The following RIMS3 variants were observed in gnomAD, a reference collection of about 807,000 sequenced individuals.
RIMS3 encodes regulating synaptic membrane exocytosis 3.
A neutral mutation model predicts 29.2 loss-of-function variants in RIMS3; 15 were observed. The observed-to-expected ratio is 0.51, with a 90% confidence interval of 0.34 to 0.79. The LOEUF is 0.79. Among genes scored for constraint, RIMS3 ranks in the 30% least tolerant of loss-of-function variants. The pLI is 0.01. For synonymous variants in RIMS3, 161 were observed against 170.1 expected, an observed-to-expected ratio of 0.95 and a Z score of 0.41; for missense variants, 342 against 421.4, an observed-to-expected ratio of 0.81 and a Z score of 1.65.
chr1:40,631,800 G>A (rs1259594901), intron 5 of RIMS3, among the ~76,000 whole-genome samples: 4 of 151,898 alleles, frequency 2.6e-5, no homozygotes, highest in Non-Finnish European at 2.9e-5. Context: ...GTGAAACCCC[G>A]TCTCTACTAC....
intron 1 of RIMS3, among the ~76,000 whole-genome samples, chr1:40,655,204 G>A (rs1462845079): frequency 2.0e-5 from 3 of 152,130 alleles, no homozygotes; most frequent in African/African-American, 7.2e-5. Flanking sequence ...CTGCTTCACT[G>A]TCCCTGAGCC....
In RIMS3 at chr1:40,624,596, A is replaced by T. The variant is rs1352952136; in HGVS notation, c.*1921T>A. The T allele has an allele frequency of 6.6e-6, 1 of 152,098 alleles. No homozygotes were observed. Among genetic ancestry groups the T allele is most frequent in the Non-Finnish European group, 1.5e-5 (1 of 68,004 alleles). 9.4% of individuals were successfully genotyped at this position (152,098 alleles called of 1,614,324 possible). A position where few individuals can be genotyped will look rare whatever the true frequency, so the allele number is the denominator to read the frequency against. On this transcript the variant is annotated 3_prime_UTR_variant, in exon 8 of 8. Transcript: ENST00000372684. ...GGCAGAGATAGGAGCCTGGGAGCTAACTCCGTTCATTTCCTTCCTGCCCTT... is the reference window on the plus strand; with the variant it reads ...GGCAGAGATAGGAGCCTGGGAGCTATCTCCGTTCATTTCCTTCCTGCCCTT...
At chr1:40,650,016 C>T (rs1019075712) in intron 1 of RIMS3, among the ~76,000 whole-genome samples, 2 of 152,208 alleles carry the variant, frequency 1.3e-5, no homozygotes, top group African/African-American at 4.8e-5. Flanking sequence ...CTGATGTTCC[C>T]CCAGGGCCTC....
intron 1 of RIMS3, among the ~76,000 whole-genome samples, chr1:40,650,907 T>C (rs1646628330): frequency 7.0e-6 from 1 of 142,978 alleles, no homozygotes; most frequent in Non-Finnish European, 1.5e-5. Context: ...ACTTAGCCAC[T>C]TTGTCTCCTG....
At chr1:40,678,921 T>C in the RIMS3 span, among the ~76,000 whole-genome samples, 1 of 152,184 alleles carries the variant, frequency 6.6e-6, no homozygotes, top group East Asian at 1.9e-4. Flanking sequence ...TGGTTAGAAA[T>C]CTGTTAGAAA....
chr1:40,628,275 T>C (rs887970260), intron 7 of RIMS3, among the ~76,000 whole-genome samples: 1 of 152,180 alleles, frequency 6.6e-6, no homozygotes, highest in African/African-American at 2.4e-5. Flanking sequence ...AGCATGAAGA[T>C]CCCTCCCTCC....
At chr1:40,634,941 C>CAAAAA (rs111853416) in intron 4 of RIMS3, among the ~76,000 whole-genome samples, 1 of 93,118 alleles carries the variant, frequency 1.1e-5, no homozygotes, top group African/African-American at 4.3e-5. Context: ...AACTCCATCA[C>CAAAAA]AAAAAAAAAA....
chr1:40,674,597 G>A, the RIMS3 span, among the ~76,000 whole-genome samples: 1 of 152,322 alleles, frequency 6.6e-6, no homozygotes, highest in Middle Eastern at 3.4e-3. Flanking sequence ...ATTAGGTCAT[G>A]GGGACTCTGC....
intron 5 of RIMS3, among the ~76,000 whole-genome samples, chr1:40,632,584 GC>G (rs1040052176): frequency 2.0e-5 from 3 of 151,550 alleles, no homozygotes; most frequent in African/African-American, 7.3e-5. Context: ...GTAGTACTCG[GC>G]ACACAGCAAA....
At chr1:40,682,741 C>CTTTTTTTTTTTTTCTTTTTTTTTTTTT in the RIMS3 span, among the ~76,000 whole-genome samples, 1 of 77,514 alleles carries the variant, frequency 1.3e-5, no homozygotes, top group East Asian at 3.4e-4. Flanking sequence ...CTTTGCAGAT[C>CTTTTTTTTTTTTTCTTTTTTTTTTTTT]TTTTTTTTTT....
chr1:40,648,761 C>T (rs955158043), intron 1 of RIMS3, among the ~76,000 whole-genome samples: 1 of 152,222 alleles, frequency 6.6e-6, no homozygotes, highest in Non-Finnish European at 1.5e-5. Context: ...GCCCTGAGTG[C>T]TCCAGAAGTC....
chr1:40,691,864 A>C, the RIMS3 span: 1 of 421,180 alleles, frequency 2.4e-6, no homozygotes, highest in Non-Finnish European at 4.8e-6. Flanking sequence ...ACTCCTGAGC[A>C]GAGGTGTGTG....
the RIMS3 span, among the ~76,000 whole-genome samples, chr1:40,687,790 C>T: frequency 6.6e-6 from 1 of 152,190 alleles, no homozygotes; most frequent in Non-Finnish European, 1.5e-5. Context: ...CTCGCTTCTT[C>T]TATTTGCTTT....
chr1:40,676,061 T>C, the RIMS3 span, among the ~76,000 whole-genome samples: 1 of 152,098 alleles, frequency 6.6e-6, no homozygotes, highest in Non-Finnish European at 1.5e-5. Flanking sequence ...TATCCAGTGA[T>C]GAGGAGTGGT....
chr1:40,669,255 G>A (rs373372378), upstream of RIMS3: 1 of 152,228 alleles, frequency 6.6e-6, no homozygotes, highest in East Asian at 1.9e-4. Flanking sequence ...CGAGGTAGGT[G>A]CACTGTATTC....
In RIMS3 at chr1:40,622,788, A is replaced by G. The variant is rs969819737; in HGVS notation, c.*3729T>C. On this transcript the variant is annotated 3_prime_UTR_variant, in exon 8 of 8. Transcript: ENST00000372684. ...GCCCCATTGCTTTCTGGGCTGAGGA[A>G]GATGGGGAATATGAGGTATTAGGAG... 2.4e-4 allele frequency: 37 copies of G among 152,944 alleles called. No individual in the cohort carries two copies. Among genetic ancestry groups the G allele is most frequent in the African/African-American group, 8.4e-4 (35 of 41,566 alleles). 9.5% of individuals were successfully genotyped at this position (152,944 alleles called of 1,614,324 possible).
the RIMS3 span, chr1:40,691,675 G>A: frequency 2.2e-6 from 1 of 448,898 alleles, no homozygotes; most frequent in Admixed American, 2.4e-5. Context: ...CAGGCGCCAA[G>A]GGAGGGGGAA....
chr1:40,685,328 ATAATATAATTAT>A, the RIMS3 span, among the ~76,000 whole-genome samples: 1 of 18,294 alleles, frequency 5.5e-5, no homozygotes, highest in African/African-American at 3.1e-4. Context: ...TTATTAATAT[ATAATATAATTAT>A]ATTATATATA....
At chr1:40,670,574 T>TTATACATATATATATATATATA (rs1642479981), upstream of RIMS3, among the ~76,000 whole-genome samples, 6 of 71,210 alleles carry the variant, frequency 8.4e-5, no homozygotes, top group Non-Finnish European at 1.4e-4. Context: ...AGTTATAATT[T>TTATACATATATATATATATATA]TATATATATA....
Sources: allele counts gnomAD v4.1 joint callset (sites outside exome capture counted in the v4.1 genomes callset), GRCh38; gene constraint gnomAD v4.1.1; transcripts MANE v1.5; gene names NCBI Gene and HGNC (gene_info 2026-07-23, HGNC 2026-07-21).